Variants in AOPEP observed in about 807,000 individuals in gnomAD.
The protein encoded by AOPEP is aminopeptidase O (putative).
A neutral mutation model predicts 98.1 loss-of-function variants in AOPEP; 77 were observed. The ratio of observed to expected loss-of-function variants is 0.78; its 90% CI spans 0.65 to 0.95. The LOEUF (loss-of-function observed/expected upper bound fraction) is 0.95, where lower values mean the gene tolerates loss of function less well. AOPEP is among the 40% of genes least tolerant of loss of function. The pLI, the probability that AOPEP is intolerant of heterozygous loss-of-function variation, is 0.00. For synonymous variants in AOPEP, 346 were observed against 365.3 expected (o/e 0.95, Z 0.60); for missense variants, 1,024 against 1,024.7 (o/e 1.00, Z 0.01).
At chr9:95,024,541 C>A (rs188086450) in intron 13 of AOPEP, among the ~76,000 whole-genome samples, 5 of 152,316 alleles carry the variant, frequency 3.3e-5, no homozygotes, top group Admixed American at 2.6e-4. Context: ...TATCTGACCC[C>A]TGTGTGAGTA....
At chr9:95,109,359 T>C in the AOPEP span, among the ~76,000 whole-genome samples, 2 of 152,232 alleles carry the variant, frequency 1.3e-5, no homozygotes, top group Non-Finnish European at 2.9e-5. Flanking sequence ...AATATTCTTA[T>C]ACATAAGCCT....
intron 16 of AOPEP, chr9:95,086,255 A>G (rs1456259812): frequency 8.2e-7 from 1 of 1,223,344 alleles, no homozygotes; most frequent in Non-Finnish European, 1.0e-6. Context: ...GGGGGTTTGT[A>G]GACTTGGAAA....
chr9:95,137,163 G>A, the AOPEP span, among the ~76,000 whole-genome samples: 1 of 152,192 alleles, frequency 6.6e-6, no homozygotes, highest in South Asian at 2.1e-4. Context: ...CATGACTTTT[G>A]GGCCACTTCT....
the AOPEP span, among the ~76,000 whole-genome samples, chr9:95,149,102 T>C: frequency 6.6e-6 from 1 of 152,186 alleles, no homozygotes; most frequent in African/African-American, 2.4e-5. Flanking sequence ...AAAAGAGCAT[T>C]GCTTTTCATA....
intron 5 of AOPEP, among the ~76,000 whole-genome samples, chr9:94,853,269 G>C (rs1564260526): frequency 6.6e-6 from 1 of 152,148 alleles, no homozygotes; most frequent in Non-Finnish European, 1.5e-5. Flanking sequence ...AGAGCAGCCT[G>C]GTAAACATGG....
intron 5 of AOPEP, among the ~76,000 whole-genome samples, chr9:94,907,569 T>TACACACATGCATGTGTGC (rs1403406391): frequency 1.3e-4 from 20 of 151,478 alleles, no homozygotes; most frequent in African/African-American, 3.4e-4. Context: ...TTTGCCCCTT[T>TACACACATGCATGTGTGC]ACACACATGC....
intron 7 of AOPEP, among the ~76,000 whole-genome samples, chr9:94,943,748 A>G (rs887949869): frequency 2.0e-5 from 3 of 150,998 alleles, no homozygotes; most frequent in Admixed American, 6.6e-5. Context: ...GTGAAACCCC[A>G]TCTCTGCTAA....
intron 5 of AOPEP, among the ~76,000 whole-genome samples, chr9:94,851,431 T>C (rs1350226438): frequency 1.3e-5 from 2 of 152,120 alleles, no homozygotes; most frequent in African/African-American, 2.4e-5. Context: ...TCAGTATGCA[T>C]AGGTAATTAA....
At chr9:94,839,332 C>T (rs971836419) in intron 5 of AOPEP, among the ~76,000 whole-genome samples, 5 of 152,108 alleles carry the variant, frequency 3.3e-5, no homozygotes, top group African/African-American at 1.2e-4. Context: ...ATGTGATCCG[C>T]CCACCTCGGC....
At chr9:95,004,017 TTAAAG>T in intron 11 of AOPEP, 1 of 317,114 alleles carries the variant, frequency 3.2e-6, no homozygotes, top group South Asian at 2.6e-5. Context: ...TTGCTGCTAT[TTAAAG>T]TAGTGAGTTT....
chr9:94,784,047 A>G (rs939960898), intron 3 of AOPEP, among the ~76,000 whole-genome samples: 5 of 152,214 alleles, frequency 3.3e-5, no homozygotes, highest in African/African-American at 1.2e-4. Flanking sequence ...AAAAAGTAAA[A>G]TGGATGGTTT....
chr9:95,118,587 C>G, the AOPEP span, among the ~76,000 whole-genome samples: 1 of 152,216 alleles, frequency 6.6e-6, no homozygotes, highest in Non-Finnish European at 1.5e-5. Flanking sequence ...TCCACCCCAC[C>G]CTGGCAACCA....
chr9:95,032,104 G>T (rs909749264), intron 13 of AOPEP, among the ~76,000 whole-genome samples: 3 of 152,178 alleles, frequency 2.0e-5, no homozygotes, highest in African/African-American at 7.2e-5. Context: ...CTAACTGGGG[G>T]GCCCTGAAAC....
the AOPEP span, among the ~76,000 whole-genome samples, chr9:95,128,680 G>C: frequency 6.6e-6 from 1 of 152,146 alleles, no homozygotes; most frequent in Non-Finnish European, 1.5e-5. Flanking sequence ...TAGCAAAATC[G>C]CTCAATCCAA....
chr9:95,138,041 G>T, the AOPEP span, among the ~76,000 whole-genome samples: 1 of 152,270 alleles, frequency 6.6e-6, no homozygotes, highest in Non-Finnish European at 1.5e-5. Flanking sequence ...AGGCGCAGAG[G>T]AGTGGGAAAG....
At chr9:95,071,621 T>C (rs980113899) in intron 14 of AOPEP, among the ~76,000 whole-genome samples, 7 of 152,130 alleles carry the variant, frequency 4.6e-5, no homozygotes, top group Admixed American at 1.3e-4. Flanking sequence ...TTCCTGTCTT[T>C]GGTCTTGATG....
At chr9:94,845,105 A>G (rs375925975) in intron 5 of AOPEP, among the ~76,000 whole-genome samples, 15 of 152,206 alleles carry the variant, frequency 9.9e-5, no homozygotes, top group African/African-American at 3.6e-4. Context: ...TGAATATTTA[A>G]TATGTTCTTA....
At chr9:95,136,850 G>C in the AOPEP span, among the ~76,000 whole-genome samples, 1 of 152,160 alleles carries the variant, frequency 6.6e-6, no homozygotes, top group Admixed American at 6.5e-5. Context: ...TCTTGTGTCA[G>C]TGAATTGGGG....
chr9:94,923,319 A>G (rs1324059676), intron 5 of AOPEP, among the ~76,000 whole-genome samples: 12 of 152,152 alleles, frequency 7.9e-5, no homozygotes, highest in Admixed American at 7.9e-4. Context: ...CCTGGGTGGG[A>G]TAACTCCCTG....
Sources: allele counts gnomAD v4.1 joint callset (sites outside exome capture counted in the v4.1 genomes callset), GRCh38; gene constraint gnomAD v4.1.1; transcripts MANE v1.5; gene names NCBI Gene and HGNC (gene_info 2026-07-23, HGNC 2026-07-21).